Variants in TMEM74 observed in about 807,000 individuals in gnomAD.
TMEM74 encodes transmembrane protein 74.
In TMEM74, 13 loss-of-function variants were observed where a neutral mutation model predicts 18.1. The ratio of observed to expected loss-of-function variants is 0.72; its 90% CI spans 0.47 to 1.14. The LOEUF is 1.14. TMEM74 is among the 50% of genes most tolerant of loss of function. The probability of loss-of-function intolerance (pLI) is 0.00; values close to 1 mark genes in which losing one functional copy is unlikely to be tolerated. For synonymous variants in TMEM74, 159 were observed against 146.6 expected (o/e 1.08, Z -0.61); for missense variants, 372 against 375.9 (o/e 0.99, Z 0.09).
In TMEM74 at chr8:108,781,302, T is replaced by C. The variant is rs145366280; in HGVS notation, c.*2879A>G. ...AAGGATGCAAGACCAAAACTATAGG[T>C]ATTGTATGCCCAATGTCTATAGAAT... On this transcript the variant is annotated 3_prime_UTR_variant, in exon 2 of 2. Coordinates refer to ENST00000297459, the MANE Select transcript of TMEM74 (RefSeq NM_153015.3). Among the ~76,000 whole-genome samples the C allele has an allele frequency of 6.6e-6, 1 of 152,300 alleles. No homozygotes were observed. The highest frequency in any genetic ancestry group is 2.4e-5 in the African/African-American group (1 of 41,576).
chr8:108,779,285 C>G lies in TMEM74; in HGVS notation c.*4896G>C, dbSNP rs1814273980. Among the ~76,000 whole-genome samples, 1 of 152,096 alleles carries G rather than the reference C, an allele frequency of 6.6e-6. No homozygotes were observed. The highest frequency in any genetic ancestry group is 1.5e-5 in the Non-Finnish European group (1 of 68,004). On this transcript the variant is annotated 3_prime_UTR_variant, in exon 2 of 2. Coordinates refer to ENST00000297459, the MANE Select transcript of TMEM74 (RefSeq NM_153015.3). ...CACGATGAGAACCACAGGGTACAAA[C>G]TCTCAATACACAATATGTAATAATT...
intron 1 of TMEM74, among the ~76,000 whole-genome samples, chr8:108,752,368 C>T (rs1020575849): frequency 6.6e-6 from 1 of 151,922 alleles, no homozygotes; most frequent in African/African-American, 2.4e-5. Context: ...AAGGCTGTGA[C>T]GAGTGTCTAG....
chr8:108,682,139 T>C (rs1258901160), intron 1 of TMEM74, among the ~76,000 whole-genome samples: 1 of 152,128 alleles, frequency 6.6e-6, no homozygotes, highest in Non-Finnish European at 1.5e-5. Flanking sequence ...ACAGGTTCAT[T>C]ATGCTCAGGT....
At chr8:108,748,188 A>T (rs1813869736) in intron 1 of TMEM74, among the ~76,000 whole-genome samples, 1 of 152,142 alleles carries the variant, frequency 6.6e-6, no homozygotes, top group African/African-American at 2.4e-5. Context: ...CATCTGTGTA[A>T]AAGTGTTGCT....
At chr8:108,718,987 T>C (rs941130372) in intron 1 of TMEM74, among the ~76,000 whole-genome samples, 2 of 151,726 alleles carry the variant, frequency 1.3e-5, no homozygotes, top group Non-Finnish European at 2.9e-5. Context: ...TATATACGTA[T>C]ATATACGTAT....
chr8:108,768,484 T>G (rs1814134628), intron 1 of TMEM74, among the ~76,000 whole-genome samples: 1 of 152,144 alleles, frequency 6.6e-6, no homozygotes, highest in Admixed American at 6.5e-5. Context: ...AAAAAATGAG[T>G]AGCTCTTGCA....
intron 1 of TMEM74, among the ~76,000 whole-genome samples, chr8:108,719,198 T>C (rs1813560442): frequency 6.6e-6 from 1 of 152,096 alleles, no homozygotes; most frequent in Admixed American, 6.6e-5. Context: ...GAGATTAAAT[T>C]GGGGAGACGC....
chr8:108,746,396 C>T, intron 1 of TMEM74, among the ~76,000 whole-genome samples: 1 of 152,072 alleles, frequency 6.6e-6, no homozygotes, highest in East Asian at 1.9e-4. Flanking sequence ...ATCACAGAAC[C>T]TCTCACACTG....
intron 1 of TMEM74, among the ~76,000 whole-genome samples, chr8:108,725,871 T>C (rs1464211911): frequency 6.6e-6 from 1 of 152,184 alleles, no homozygotes; most frequent in Non-Finnish European, 1.5e-5. Flanking sequence ...TATAAATTAC[T>C]CAAAGGATAA....
intron 1 of TMEM74, among the ~76,000 whole-genome samples, chr8:108,743,635 T>C (rs901506296): frequency 1.3e-5 from 2 of 152,160 alleles, no homozygotes; most frequent in African/African-American, 2.4e-5. Flanking sequence ...TTGTCTATGG[T>C]TTGTCGTATT....
intron 1 of TMEM74, among the ~76,000 whole-genome samples, chr8:108,697,498 C>G (rs1813291693): frequency 1.3e-5 from 2 of 152,126 alleles, no homozygotes; most frequent in Admixed American, 1.3e-4. Context: ...CTCACTGCAG[C>G]CTTGACCTCC....
At chr8:108,656,923 T>C (rs781626485) in intron 1 of TMEM74, among the ~76,000 whole-genome samples, 1 of 152,142 alleles carries the variant, frequency 6.6e-6, no homozygotes, top group Non-Finnish European at 1.5e-5. Flanking sequence ...CAAATTCTGG[T>C]AAAAATTTTT....
rs146263044 is a variant in TMEM74, at chr8:108,647,226, C to T, written n.264+8067G>A. 7.0e-4 allele frequency among the ~76,000 whole-genome samples: 106 copies of T among 152,234 alleles called. 4 individuals are homozygous for T. The highest frequency in any genetic ancestry group is 2.5e-3 in the African/African-American group (103 of 41,550). ...TTCCTGGAAACATCCCAAAATACCT[C>T]AGCTTTTATTTTGGTTTTAGTTTGA... On this transcript the variant is annotated intron_variant and non_coding_transcript_variant, in intron 2 of 3. Transcript: ENST00000518838.
At chr8:108,688,742 A>G (rs971737509) in intron 1 of TMEM74, among the ~76,000 whole-genome samples, 3 of 152,184 alleles carry the variant, frequency 2.0e-5, no homozygotes, top group Non-Finnish European at 4.4e-5. Context: ...CAATTTCTTG[A>G]TATCTCCTAA....
chr8:108,707,973 A>G (rs1225282810), intron 1 of TMEM74, among the ~76,000 whole-genome samples: 1 of 152,186 alleles, frequency 6.6e-6, no homozygotes, highest in African/African-American at 2.4e-5. Context: ...TTGTTTCATC[A>G]TCTAGGTAAG....
intron 1 of TMEM74, among the ~76,000 whole-genome samples, chr8:108,767,433 C>T (rs1013275178): frequency 3.3e-5 from 5 of 152,116 alleles, no homozygotes; most frequent in African/African-American, 1.2e-4. Context: ...CCTTTGGACT[C>T]AATATTATGT....
intron 1 of TMEM74, among the ~76,000 whole-genome samples, chr8:108,662,696 A>AGCTTATTG (rs1485634350): frequency 1.3e-5 from 2 of 152,146 alleles, no homozygotes; most frequent in Admixed American, 1.3e-4. Context: ...CTTAGAGACC[A>AGCTTATTG]GCTTATTGTA....
chr8:108,676,969 C>T (rs1813061629), intron 1 of TMEM74, among the ~76,000 whole-genome samples: 1 of 152,204 alleles, frequency 6.6e-6, no homozygotes, highest in African/African-American at 2.4e-5. Flanking sequence ...TTTCAATTAG[C>T]CTGGACGTTG....
intron 2 of TMEM74, among the ~76,000 whole-genome samples, chr8:108,613,292 G>A (rs1023776873): frequency 1.3e-5 from 2 of 152,126 alleles, no homozygotes; most frequent in Admixed American, 6.5e-5. Context: ...ATGAGAGGAG[G>A]CAGCTCCAGC....
Sources: allele counts gnomAD v4.1 joint callset (sites outside exome capture counted in the v4.1 genomes callset), GRCh38; gene constraint gnomAD v4.1.1; transcripts MANE v1.5; gene names NCBI Gene and HGNC (gene_info 2026-07-23, HGNC 2026-07-21).